The following NUB1 variants were observed in gnomAD, a reference collection of about 807,000 sequenced individuals.
The protein encoded by NUB1 is NEDD8 ultimate buster 1.
In NUB1, 41 loss-of-function variants were observed where a neutral mutation model predicts 77.1. That is an observed-to-expected ratio of 0.53 (90% CI 0.41 to 0.69). NUB1 has a LOEUF of 0.69. Ranked by LOEUF, NUB1 falls within the 30% of genes least tolerant of loss-of-function variation. The pLI is 0.00. For synonymous variants in NUB1, 257 were observed against 281.0 expected, an observed-to-expected ratio of 0.91 and a Z score of 0.85; for missense variants, 643 against 743.8, an observed-to-expected ratio of 0.86 and a Z score of 1.58.
At chr7:151,354,314 C>G (rs953284822) in intron 5 of NUB1, among the ~76,000 whole-genome samples, 11 of 150,358 alleles carry the variant, frequency 7.3e-5, no homozygotes, top group East Asian at 1.9e-4. Flanking sequence ...GACCTCCCCC[C>G]ACCCTTGCTT....
At chr7:151,357,576 A>T (rs1797139280) in intron 7 of NUB1, among the ~76,000 whole-genome samples, 1 of 150,672 alleles carries the variant, frequency 6.6e-6, no homozygotes, top group South Asian at 2.1e-4. Flanking sequence ...GCTTCATTCT[A>T]TGAGTTACTC....
At chr7:151,363,372 C>T (rs1797477537) in intron 8 of NUB1, among the ~76,000 whole-genome samples, 1 of 150,476 alleles carries the variant, frequency 6.6e-6, no homozygotes. Flanking sequence ...GGATGAACTG[C>T]AGAATAGACA....
chr7:151,371,300 T>C (rs1797944958), intron 11 of NUB1, among the ~76,000 whole-genome samples: 1 of 152,040 alleles, frequency 6.6e-6, no homozygotes, highest in South Asian at 2.1e-4. Context: ...GGTCTCAGGG[T>C]TAGGTGATTC....
chr7:151,360,296 A>G (rs781279640), intron 8 of NUB1, 49 bp downstream of exon 8: 5 of 970,466 alleles, frequency 5.2e-6, no homozygotes, highest in Non-Finnish European at 8.2e-6. Flanking sequence ...AAGATGGCCC[A>G]GACTATACAG....
rs200906280 is a variant in NUB1 at position 151,377,031 on chromosome 7, C to T, written c.1670-16C>T. On this transcript the variant is annotated splice_polypyrimidine_tract_variant and intron_variant, in intron 14 of 14. Transcript: ENST00000568733. ...TCCTCACATAATTCACTTACTCCTG[C>T]GGTATTTTATTGTAGGAACCTCTAG... is the stretch of plus-strand genomic sequence containing the variant. 41 of 1,526,054 alleles carry T rather than the reference C, an allele frequency of 2.7e-5. No homozygotes were observed. The highest frequency in any genetic ancestry group is 2.4e-4 in the Admixed American group (11 of 45,336). 94.5% of individuals were successfully genotyped at this position (1,526,054 alleles called of 1,614,324 possible).
In NUB1 at chr7:151,377,243, C is replaced by A; in HGVS notation, c.*18C>A. ...AAAACTAAATAATGAACAGAAATAG[C>A]GCTAATTTTCTGCTTATAAATGCTA... is the stretch of plus-strand genomic sequence containing the variant. On this transcript the variant is annotated 3_prime_UTR_variant, in exon 15 of 15. Transcript: ENST00000568733. 6.8e-7 allele frequency: 1 copy of A among 1,467,850 alleles called. No individual in the cohort carries two copies. The highest frequency in any genetic ancestry group is 9.2e-7 in the Non-Finnish European group (1 of 1,090,658). 90.9% of individuals were successfully genotyped at this position (1,467,850 alleles called of 1,614,324 possible).
chr7:151,354,970 C>T (rs1289849303), intron 5 of NUB1, among the ~76,000 whole-genome samples: 2 of 152,176 alleles, frequency 1.3e-5, no homozygotes, highest in Non-Finnish European at 2.9e-5. Flanking sequence ...TCTTGAACTC[C>T]GGGGCTCAAG....
intron 12 of NUB1, 57 bp from the exon 13 acceptor site, chr7:151,375,791 G>T: frequency 8.5e-7 from 1 of 1,173,478 alleles, no homozygotes; most frequent in Non-Finnish European, 1.3e-6. Flanking sequence ...TGCAGCGCCT[G>T]TCTGAATGTG....
In NUB1 at chr7:151,355,951, G is replaced by A. The variant is rs770508441; in HGVS notation, c.598+1G>A. On this transcript the variant is annotated splice_donor_variant, in intron 6 of 14. Coordinates refer to ENST00000568733, the MANE Select transcript of NUB1 (RefSeq NM_001243351.2). LOFTEE classifies it high-confidence loss of function. ...GGACTAGAAATACTGGCAAAGAGAG[G>A]TACCCAGAGCTCTGGGCTTGTCACC... The A allele has an allele frequency of 1.2e-6, 2 of 1,613,410 alleles. No individual in the cohort carries two copies. Among genetic ancestry groups the A allele is most frequent in the African/African-American group, 2.7e-5 (2 of 74,860 alleles).
At chr7:151,344,150 T>C (rs372579673) in intron 1 of NUB1, among the ~76,000 whole-genome samples, 106 of 108,688 alleles carry the variant, frequency 9.8e-4, no homozygotes, top group South Asian at 6.3e-3. Context: ...CACTGCACTC[T>C]AGCCTGGGCG....
intron 1 of NUB1, among the ~76,000 whole-genome samples, chr7:151,342,290 A>G (rs911886996): frequency 2.6e-5 from 4 of 152,222 alleles, no homozygotes; most frequent in African/African-American, 7.2e-5. Flanking sequence ...ACCTGATTCT[A>G]TCATTCTCAC....
At chr7:151,355,211 C>T (rs451593) in intron 5 of NUB1, among the ~76,000 whole-genome samples, 105,517 of 152,172 alleles carry the variant, frequency 0.69, 37,148 homozygotes, top group East Asian at 0.9. Flanking sequence ...TATCAAATAT[C>T]TGTTGCTTTG....
chr7:151,366,506 G>T (rs925091295), intron 8 of NUB1, among the ~76,000 whole-genome samples: 4 of 131,668 alleles, frequency 3.0e-5, no homozygotes, highest in Non-Finnish European at 6.4e-5. Flanking sequence ...GTCTGGGTGG[G>T]ATCAATGATT....
chr7:151,374,322 A>G, intron 12 of NUB1, 79 bp downstream of exon 12: 1 of 1,499,616 alleles, frequency 6.7e-7, no homozygotes, highest in Non-Finnish European at 9.0e-7. Context: ...GCTCTCCAGC[A>G]TCCTCCCGGG....
chr7:151,349,024 GC>G, intron 2 of NUB1, 48 bp from the exon 3 acceptor site: 1 of 1,486,844 alleles, frequency 6.7e-7, no homozygotes, highest in Non-Finnish European at 9.2e-7. Flanking sequence ...TCTATATTTT[GC>G]CTTTTTTTTT....
rs779861111 is a variant in NUB1, at chr7:151,375,908, C to T, written c.1456C>T (p.Arg486Cys). The T allele has an allele frequency of 2.4e-5, 38 of 1,613,008 alleles. No individual in the cohort carries two copies. In the East Asian group the frequency reaches 3.6e-4, roughly 15 times the overall value. Reference protein sequence around the residue: ...LNDSNPETDNRQESPSQENID... With the variant: ...LNDSNPETDNCQESPSQENID... Reference sequence around the variant, plus strand: ...TGATTCCAATCCTGAAACCGACAACCGTCAAGAAAGTCCTTCCCAGGAAAA... The same window carrying T: ...TGATTCCAATCCTGAAACCGACAACTGTCAAGAAAGTCCTTCCCAGGAAAA... The change falls in exon 13 of 15, where the codon CGT becomes TGT. Residue 486 changes from arginine (R) to cysteine (C), a missense_variant. Coordinates refer to ENST00000568733, the MANE Select transcript of NUB1 (RefSeq NM_001243351.2).
intron 11 of NUB1, among the ~76,000 whole-genome samples, chr7:151,369,597 A>G (rs1016758228): frequency 1.9e-4 from 29 of 152,220 alleles, no homozygotes; most frequent in African/African-American, 6.3e-4. Flanking sequence ...ATTAAAGAAA[A>G]CCTTAGAATT....
At chr7:151,356,523 C>T (rs1274401980) in intron 7 of NUB1, among the ~76,000 whole-genome samples, 1 of 152,194 alleles carries the variant, frequency 6.6e-6, no homozygotes, top group Non-Finnish European at 1.5e-5. Context: ...CAGTGCTTTA[C>T]ATTTAGTTTA....
chr7:151,345,607 A>G, intron 2 of NUB1, 141 bp downstream of exon 2: 2 of 509,496 alleles, frequency 3.9e-6, no homozygotes. Flanking sequence ...ACTTTTTACT[A>G]GGAACTGACA....
Sources: allele counts gnomAD v4.1 joint callset (sites outside exome capture counted in the v4.1 genomes callset), GRCh38; gene constraint gnomAD v4.1.1; transcripts MANE v1.5; gene names NCBI Gene and HGNC (gene_info 2026-07-23, HGNC 2026-07-21).